SLC6A20: variants seen among roughly 807,000 people sequenced by gnomAD.
The protein encoded by SLC6A20 is sodium- and chloride-dependent transporter XTRP3.
SLC6A20 carries 73 observed loss-of-function variants against 64.3 expected under a neutral mutation model. The ratio of observed to expected loss-of-function variants is 1.14; its 90% confidence interval spans 0.94 to 1.38. The LOEUF (loss-of-function observed/expected upper bound fraction) is 1.38. Among genes scored for constraint, SLC6A20 ranks in the 40% most tolerant of loss-of-function variants. The probability of loss-of-function intolerance (pLI) is 0.00; values close to 1 mark genes in which losing one functional copy is unlikely to be tolerated. For missense variants in SLC6A20, 725 were observed against 772.8 expected, an observed-to-expected ratio of 0.94 and a Z score of 0.73; for synonymous variants, 347 against 329.6, an observed-to-expected ratio of 1.05 and a Z score of -0.57.
chr3:45,767,625 G>A (rs1476771128), intron 7 of SLC6A20, among the ~76,000 whole-genome samples: 1 of 152,260 alleles, frequency 6.6e-6, no homozygotes, highest in East Asian at 1.9e-4. Context: ...CAGAGACAAC[G>A]ATTATGAGAT....
chr3:45,759,294 A>G (rs1259945576), intron 10 of SLC6A20, among the ~76,000 whole-genome samples, 167 bp from the exon 11 acceptor site: 3 of 152,246 alleles, frequency 2.0e-5, no homozygotes, highest in African/African-American at 4.8e-5. Context: ...CAAATGTGCC[A>G]GGAGCCTAAC....
chr3:45,776,348 A>C (rs889304552), intron 3 of SLC6A20, among the ~76,000 whole-genome samples: 1 of 152,180 alleles, frequency 6.6e-6, no homozygotes, highest in African/African-American at 2.4e-5. Context: ...CAGCTCAGGC[A>C]CTTAAACCAC....
intron 9 of SLC6A20, 66 bp downstream of exon 9, chr3:45,762,846 TC>T (rs1175755002): frequency 6.3e-7 from 1 of 1,584,000 alleles, no homozygotes; most frequent in Non-Finnish European, 8.6e-7. Flanking sequence ...ACAGCTGTTT[TC>T]CTTGAGGGGC....
rs1310930540 is a variant in SLC6A20 at position 45,760,032 on chromosome 3, A to G, written c.1464-10T>C. 3 of 1,604,210 alleles carry G rather than the reference A, an allele frequency of 1.9e-6. No individual in the cohort carries two copies. The highest frequency in any genetic ancestry group is 2.6e-6 in the Non-Finnish European group (3 of 1,175,516). ...AAGGTCACTTTCAAATCTATTTGGA[A>G]AACAGGGAGAGAAAGTCTGGATTAA... On this transcript the variant is annotated splice_polypyrimidine_tract_variant and intron_variant, in intron 9 of 10. Transcript: ENST00000358525.
At chr3:45,782,644 C>CATCT (rs1700115014) in intron 1 of SLC6A20, among the ~76,000 whole-genome samples, 1 of 151,582 alleles carries the variant, frequency 6.6e-6, no homozygotes. Context: ...TCCATCCATC[C>CATCT]ATCCATCCAT....
chr3:45,780,377 G>A (rs957186716), intron 2 of SLC6A20, among the ~76,000 whole-genome samples: 1 of 152,198 alleles, frequency 6.6e-6, no homozygotes, highest in African/African-American at 2.4e-5. Flanking sequence ...TGCTAAATAA[G>A]TACTTTATTT....
At chr3:45,761,021 C>T (rs894113093) in intron 9 of SLC6A20, among the ~76,000 whole-genome samples, 11 of 152,206 alleles carry the variant, frequency 7.2e-5, no homozygotes, top group African/African-American at 2.2e-4. Flanking sequence ...ACAGCCCCTC[C>T]CTCCCTGGGA....
At chr3:45,781,096 C>T (rs536306990) in intron 2 of SLC6A20, among the ~76,000 whole-genome samples, 1 of 152,210 alleles carries the variant, frequency 6.6e-6, no homozygotes, top group African/African-American at 2.4e-5. Context: ...TGGCGGGTGC[C>T]TGTAATTCCA....
intron 1 of SLC6A20, among the ~76,000 whole-genome samples, chr3:45,795,365 G>A (rs1311334998): frequency 6.6e-6 from 1 of 151,902 alleles, no homozygotes; most frequent in African/African-American, 2.4e-5. Flanking sequence ...TAAAGGCTGC[G>A]AAGAGCAACC....
Position 45,776,139 on chromosome 3 carries a change from C to T in SLC6A20, c.355-151G>A. ...GGTGGCTGGAGCCCCTGAAGGCAGA[C>T]TGGGAGTTGGAGAGTTTGTCAGGGG... On this transcript the variant is annotated intron_variant, in intron 3 of 10. Coordinates refer to ENST00000358525, the MANE Select transcript of SLC6A20 (RefSeq NM_020208.4). 4.2e-6 allele frequency: 3 copies of T among 709,094 alleles called. No homozygotes were observed. The South Asian group carries it at 5.3e-5, about 13-fold the overall frequency. 43.9% of individuals were successfully genotyped at this position (709,094 alleles called of 1,614,324 possible). A position where few individuals can be genotyped will look rare whatever the true frequency, so the allele number is the denominator to read the frequency against.
In SLC6A20 at chr3:45,775,913, A is replaced by G; in HGVS notation, c.430T>C (p.Ser144Pro). 6.2e-7 allele frequency: 1 copy of G among 1,614,216 alleles called. No individual in the cohort carries two copies. Among genetic ancestry groups the G allele is most frequent in the Middle Eastern group, 1.6e-4 (1 of 6,062 alleles). The change falls in exon 4 of 11, where the codon TCC (serine) becomes CCC (proline). Residue 144 changes from serine to proline, a missense_variant. Physicochemically the swap from Ser to Pro is moderately conservative, Grantham distance 74 (BLOSUM62 -1). Coordinates refer to ENST00000358525, the MANE Select transcript of SLC6A20 (RefSeq NM_020208.4). ...TTCCTGTACCAGAAGTACTGTGTGGAGGACGCCTTCTCACACTCCTCATCG... is the reference window on the plus strand; with the variant it reads ...TTCCTGTACCAGAAGTACTGTGTGGGGGACGCCTTCTCACACTCCTCATCG... ...GYDEECEKAS[S>P]TQYFWYRKTL...
chr3:45,782,666 T>TCCAA (rs1476163081), intron 1 of SLC6A20, among the ~76,000 whole-genome samples: 2 of 138,112 alleles, frequency 1.4e-5, no homozygotes, highest in African/African-American at 5.3e-5. Context: ...CATCCAACCA[T>TCCAA]CCATCCATCC....
At chr3:45,761,937 A>C (rs1242278586) in intron 9 of SLC6A20, among the ~76,000 whole-genome samples, 1 of 152,088 alleles carries the variant, frequency 6.6e-6, no homozygotes, top group Non-Finnish European at 1.5e-5. Flanking sequence ...TGCTTCAGGG[A>C]TGCCTGCCTC....
intron 4 of SLC6A20, 32 bp from the exon 5 acceptor site, chr3:45,772,647 C>T (rs375898090): frequency 6.9e-5 from 109 of 1,571,108 alleles, no homozygotes; most frequent in South Asian, 1.4e-4. Flanking sequence ...GTTGGCCTCC[C>T]GGAGCAGTGG....
chr3:45,776,007 T>C lies in SLC6A20; in HGVS notation c.355-19A>G, dbSNP rs202113753. 3.5e-5 allele frequency: 57 copies of C among 1,612,158 alleles called. No homozygotes were observed. Among genetic ancestry groups the C allele is most frequent in the Admixed American group, 8.3e-5 (5 of 59,998 alleles). On this transcript the variant is annotated intron_variant, in intron 3 of 10. Transcript: ENST00000358525. The stretch of plus-strand genomic sequence containing the variant: ...GGGGATCCTGTGGGACCAAAGCAAG[T>C]GTTATCCAGGGAGGTGAAGGCTGAG...
intron 3 of SLC6A20, among the ~76,000 whole-genome samples, chr3:45,776,921 T>C (rs781256462): frequency 3.9e-5 from 6 of 152,130 alleles, no homozygotes; most frequent in Admixed American, 6.5e-5. Flanking sequence ...GTGTCACTTA[T>C]GAACAAAGGA....
At chr3:45,772,676 A>G in intron 4 of SLC6A20, 61 bp from the exon 5 acceptor site, 1 of 1,366,558 alleles carries the variant, frequency 7.3e-7, no homozygotes, top group Non-Finnish European at 1.0e-6. Context: ...GGACAGACCC[A>G]TGCCCCATGG....
Position 45,758,541 on chromosome 3 carries a change from A to C in SLC6A20, c.*437T>G. 1 of 1,158,688 alleles carries C rather than the reference A, an allele frequency of 8.6e-7. No homozygotes were observed. The highest frequency in any genetic ancestry group is 1.6e-5 in the African/African-American group (1 of 60,730). The allele number at this position is 1,158,688 out of a possible 1,614,324, so 71.8% of individuals were successfully genotyped here. The stretch of plus-strand genomic sequence containing the variant: ...AGAATTAATTTTGCACCACTGACAA[A>C]TAGGTCATCTTAGGCACTTCAAAAC... On this transcript the variant is annotated 3_prime_UTR_variant, in exon 11 of 11. Transcript: ENST00000358525.
rs1218319446 is a variant in SLC6A20 at position 45,759,095 on chromosome 3, A to G, written c.1662T>C (p.Tyr554=). 5.0e-6 allele frequency: 8 copies of G among 1,612,098 alleles called. No individual in the cohort carries two copies. Among genetic ancestry groups the G allele is most frequent in the Non-Finnish European group, 6.8e-6 (8 of 1,179,512 alleles). The part of the protein sequence containing the change: ...GQLVTKDYPA[Y]ALAVIGLLVA... ...CAAGCAGCCCGATGACAGCCAGTGC[A>G]TAGGCCGGGTAATCTTTGGTCACGA... Residue 554 remains tyrosine (Y), a synonymous_variant, in exon 11 of 11, where the codon TAT becomes TAC. Transcript: ENST00000358525.
Sources: gnomAD v4.1 joint callset for allele counts (sites outside exome capture counted in the v4.1 genomes callset) on GRCh38, gnomAD v4.1.1 for gene constraint, MANE v1.5 for transcripts, NCBI Gene and HGNC (gene_info 2026-07-23, HGNC 2026-07-21) for gene names.